Variants in SLC23A2 observed in about 807,000 individuals in gnomAD.
SLC23A2 encodes the protein Na(+)/L-ascorbic acid transporter 2.
In SLC23A2, 36 loss-of-function variants were observed where a neutral mutation model predicts 73.3. That is an observed-to-expected ratio of 0.49 (90% confidence interval 0.38 to 0.65). The LOEUF is 0.65. Ranked by LOEUF, SLC23A2 falls within the 30% of genes least tolerant of loss-of-function variation. SLC23A2 has a pLI of 0.00. For missense variants in SLC23A2, 507 were observed against 841.6 expected (o/e 0.60, Z 4.92); for synonymous variants, 343 against 327.3 (o/e 1.05, Z -0.52).
intron 9 of SLC23A2, among the ~76,000 whole-genome samples, chr20:4,876,238 T>C (rs985707402): frequency 6.6e-6 from 1 of 152,208 alleles, no homozygotes; most frequent in Admixed American, 6.5e-5. Flanking sequence ...AGAGTGAATA[T>C]TAGGAGATCC....
chr20:4,913,765 T>TA (rs2122897517), intron 3 of SLC23A2, among the ~76,000 whole-genome samples: 1 of 152,140 alleles, frequency 6.6e-6, no homozygotes, highest in South Asian at 2.1e-4. Context: ...TAGCTGGAAT[T>TA]ACAGGTGCCC....
intron 2 of SLC23A2, among the ~76,000 whole-genome samples, chr20:4,949,252 C>A: frequency 6.8e-6 from 1 of 146,888 alleles, no homozygotes. Context: ...CGCACCATTG[C>A]ACTCCAGCCT....
In SLC23A2 at chr20:4,869,998, G is replaced by C; in HGVS notation, c.1158C>G (p.Ala386=). 1 of 1,613,666 alleles carries C rather than the reference G, an allele frequency of 6.2e-7. No individual in the cohort carries two copies. Among genetic ancestry groups the C allele is most frequent in the Non-Finnish European group, 8.5e-7 (1 of 1,179,798 alleles). The stretch of plus-strand genomic sequence containing the variant: ...TAGACTCGATGATGCTGGCGACCAC[G>C]GCACTGAGCATGCCGATGACACCGG... ...SAAGVIGMLS[A]VVASIIESIG... is the part of the protein sequence containing the mutation. Residue 386 remains alanine (A), a synonymous_variant, in exon 12 of 17, where the codon GCC becomes GCG. Coordinates refer to ENST00000338244, the MANE Select transcript of SLC23A2 (RefSeq NM_005116.6).
intron 3 of SLC23A2, among the ~76,000 whole-genome samples, chr20:4,917,659 A>T (rs907037386): frequency 3.3e-5 from 5 of 152,168 alleles, no homozygotes; most frequent in Non-Finnish European, 7.4e-5. Context: ...AAAACCTATG[A>T]TTTGCACAGG....
chr20:4,936,338 T>C (rs2086961545), intron 2 of SLC23A2, among the ~76,000 whole-genome samples: 1 of 152,254 alleles, frequency 6.6e-6, no homozygotes, highest in Non-Finnish European at 1.5e-5. Context: ...GATTTTTACA[T>C]GGCCACATGC....
chr20:4,918,099 T>C (rs1479091355), intron 3 of SLC23A2, among the ~76,000 whole-genome samples: 2 of 152,252 alleles, frequency 1.3e-5, no homozygotes, highest in Admixed American at 6.5e-5. Flanking sequence ...ATTTTGGAAC[T>C]TTTAAATATT....
chr20:4,917,026 C>A (rs1399631873), intron 3 of SLC23A2, among the ~76,000 whole-genome samples: 1 of 152,178 alleles, frequency 6.6e-6, no homozygotes, highest in Admixed American at 6.5e-5. Flanking sequence ...AGAAAAAAAG[C>A]TCACATATTC....
chr20:4,993,637 A>G (rs1314893737), intron 1 of SLC23A2, among the ~76,000 whole-genome samples: 1 of 152,190 alleles, frequency 6.6e-6, no homozygotes, highest in East Asian at 1.9e-4. Context: ...TTAATTTTAG[A>G]TAAAACAGAA....
At chr20:4,901,883 A>C (rs1313597628) in intron 5 of SLC23A2, among the ~76,000 whole-genome samples, 1 of 151,968 alleles carries the variant, frequency 6.6e-6, no homozygotes, top group East Asian at 1.9e-4. Context: ...CCTTCTTTCT[A>C]TAACTCTATT....
rs113907830 is a variant in SLC23A2 at position 4,911,111 on chromosome 20, A to G, written c.207+1769T>C. On this transcript the variant is annotated intron_variant, in intron 4 of 16. Coordinates refer to ENST00000338244, the MANE Select transcript of SLC23A2 (RefSeq NM_005116.6). ...TATATGTGGCCCACCAAGTCTGTGA[A>G]GAAGCCCTTTGTTACAAGATGGACC... 8.8e-3 allele frequency among the ~76,000 whole-genome samples: 1,338 copies of G among 152,290 alleles called. 20 individuals carry two copies. Among genetic ancestry groups the G allele is most frequent in the African/African-American group, 0.031 (1,271 of 41,558 alleles).
intron 16 of SLC23A2, among the ~76,000 whole-genome samples, chr20:4,859,042 G>A (rs139533842): frequency 4.4e-4 from 67 of 152,278 alleles, no homozygotes; most frequent in Middle Eastern, 3.4e-3. Flanking sequence ...CAAACGCAGC[G>A]AACTCAGCTG....
At chr20:4,963,283 A>T (rs1051840397) in intron 2 of SLC23A2, among the ~76,000 whole-genome samples, 4 of 152,128 alleles carry the variant, frequency 2.6e-5, no homozygotes, top group African/African-American at 7.2e-5. Flanking sequence ...CCAACCAGGG[A>T]TCCACGTTTT....
intron 1 of SLC23A2, among the ~76,000 whole-genome samples, chr20:4,999,827 A>G (rs748179945): frequency 2.0e-5 from 3 of 152,230 alleles, no homozygotes; most frequent in Non-Finnish European, 2.9e-5. Flanking sequence ...AAAGTTCCTG[A>G]AATACCTATT....
intron 2 of SLC23A2, among the ~76,000 whole-genome samples, chr20:4,936,493 G>C (rs1412862676): frequency 1.3e-5 from 2 of 152,110 alleles, no homozygotes; most frequent in African/African-American, 4.8e-5. Flanking sequence ...TCATTATGTT[G>C]CCCAGGCTGG....
chr20:4,932,553 T>C lies in SLC23A2; in HGVS notation c.10A>G (p.Ile4Val). Residue 4 changes from isoleucine (I) to valine (V), a missense_variant, in exon 3 of 17, where the codon ATT becomes GTT. By Grantham distance (29) the Ile-to-Val change is conservative (BLOSUM62 3). This residue lies in a region of SLC23A2 where 17 missense variants were observed against 36.4 expected (regional missense o/e 0.47). Coordinates refer to ENST00000338244, the MANE Select transcript of SLC23A2 (RefSeq NM_005116.6). MMG[I>V]GKNTTSKSME... The stretch of plus-strand genomic sequence containing the variant: ...GATTTGGATGTGGTATTCTTACCAA[T>C]ACCCATCATTAAGAGAAACGAGTAG... The C allele has an allele frequency of 1.3e-6, 2 of 1,555,666 alleles. No individual in the cohort carries two copies. Among genetic ancestry groups the C allele is most frequent in the East Asian group, 2.2e-5 (1 of 44,592 alleles).
rs1286500067 is a variant in SLC23A2 at position 4,855,082 on chromosome 20, T to A, written c.*1890A>T. The stretch of plus-strand genomic sequence containing the variant: ...CATCAAAGACACATTTAAAAAAACA[T>A]ACAAAATTAGATGTAATTTAGCATC... On this transcript the variant is annotated 3_prime_UTR_variant, in exon 17 of 17. Transcript: ENST00000338244. 6.6e-6 allele frequency: 1 copy of A among 152,586 alleles called. No homozygotes were observed. Among genetic ancestry groups the A allele is most frequent in the South Asian group, 2.1e-4 (1 of 4,826 alleles). The allele number at this position is 152,586 out of a possible 1,614,324, so 9.5% of individuals were successfully genotyped here. A position where few individuals can be genotyped will look rare whatever the true frequency, so the allele number is the denominator to read the frequency against.
intron 11 of SLC23A2, among the ~76,000 whole-genome samples, chr20:4,870,836 G>C (rs1188560239): frequency 2.6e-5 from 4 of 152,168 alleles, no homozygotes; most frequent in Admixed American, 2.6e-4. Context: ...CAACAGTAAA[G>C]CATCCATAAG....
At chr20:4,859,857 C>T (rs748961038) in intron 15 of SLC23A2, among the ~76,000 whole-genome samples, 37 of 152,180 alleles carry the variant, frequency 2.4e-4, no homozygotes, top group Non-Finnish European at 5.4e-4. Flanking sequence ...TCAGGGGCAA[C>T]TGGATTTATA....
At position 4,867,857 on chromosome 20, in the gene SLC23A2, G is replaced by A. The variant is rs1317792115; in HGVS notation, c.1269C>T (p.Gly423=). ...HAINRGIFVE[G]LSCVLDGIFG... Reference sequence around the variant, plus strand: ...ATATGCCATCAAGAACACAGGAGAGGCCTTCCACGAAAATTCCCCTAAGAT... The same window carrying A: ...ATATGCCATCAAGAACACAGGAGAGACCTTCCACGAAAATTCCCCTAAGAT... The change falls in exon 13 of 17, where the codon GGC becomes GGT. Residue 423 remains glycine (G), a synonymous_variant. Coordinates refer to ENST00000338244, the MANE Select transcript of SLC23A2 (RefSeq NM_005116.6). 1 of 1,605,146 alleles carries A rather than the reference G, an allele frequency of 6.2e-7. No homozygotes were observed. The highest frequency in any genetic ancestry group is 8.5e-7 in the Non-Finnish European group (1 of 1,172,128).
Sources: gnomAD v4.1 joint callset for allele counts (sites outside exome capture counted in the v4.1 genomes callset) on GRCh38, gnomAD v4.1.1 for gene constraint, gnomAD v4.1.1 regional missense constraint, MANE v1.5 for transcripts, NCBI Gene and HGNC (gene_info 2026-07-23, HGNC 2026-07-21) for gene names.